Variants in NRXN1 observed in about 807,000 individuals in gnomAD.
The protein encoded by NRXN1 is neurexin 1.
In NRXN1, 39 loss-of-function variants were observed where a neutral mutation model predicts 150.9. That is an observed-to-expected ratio of 0.26 (90% confidence interval 0.20 to 0.34). NRXN1 has a LOEUF of 0.34. Ranked by LOEUF, NRXN1 falls within the 10% of genes least tolerant of loss-of-function variation. The pLI is 1.00. For synonymous variants in NRXN1, 924 were observed against 757.0 expected (o/e 1.22, Z -3.62); for missense variants, 1,815 against 1,949.9 (o/e 0.93, Z 1.30).
chr2:50,624,712 G>T (rs141730551), intron 5 of NRXN1: 1 of 152,100 alleles, frequency 6.6e-6, no homozygotes, highest in African/African-American at 2.4e-5. Context: ...AGATGGTAGG[G>T]CTGGCTGTTA....
chr2:49,948,247 G>A (rs1673306898), intron 21 of NRXN1, among the ~76,000 whole-genome samples: 1 of 151,994 alleles, frequency 6.6e-6, no homozygotes, highest in Non-Finnish European at 1.5e-5. Flanking sequence ...TGTTTTAAAA[G>A]CTGACCTATT....
intron 21 of NRXN1, among the ~76,000 whole-genome samples, chr2:50,021,110 T>G (rs913478474): frequency 6.6e-6 from 1 of 152,186 alleles, no homozygotes; most frequent in East Asian, 1.9e-4. Flanking sequence ...TCAATAAGCT[T>G]TTGCAAAGTG....
intron 8 of NRXN1, among the ~76,000 whole-genome samples, chr2:50,598,725 C>T (rs1017853510): frequency 2.8e-5 from 4 of 144,390 alleles, no homozygotes; most frequent in South Asian, 2.1e-4. Flanking sequence ...TGTATATATA[C>T]ACATATATAT....
At chr2:50,930,790 T>C (rs1007918578) in intron 2 of NRXN1, among the ~76,000 whole-genome samples, 61 of 152,252 alleles carry the variant, frequency 4.0e-4, no homozygotes, top group African/African-American at 1.3e-3. Flanking sequence ...TGCTTCCTGA[T>C]ACGGAATTGA....
chr2:50,795,647 T>A (rs1354884889), intron 5 of NRXN1, among the ~76,000 whole-genome samples: 1 of 152,040 alleles, frequency 6.6e-6, no homozygotes, highest in African/African-American at 2.4e-5. Context: ...AATCTCACTT[T>A]GGCTGTGAAA....
At chr2:50,932,103 T>G (rs1360893673) in intron 2 of NRXN1, among the ~76,000 whole-genome samples, 1 of 152,038 alleles carries the variant, frequency 6.6e-6, no homozygotes, top group East Asian at 1.9e-4. Context: ...TTACTTATAA[T>G]CAGGCTGAGC....
intron 1 of NRXN1, among the ~76,000 whole-genome samples, chr2:51,029,638 G>T (rs1039846109): frequency 6.6e-6 from 1 of 152,164 alleles, no homozygotes; most frequent in Non-Finnish European, 1.5e-5. Context: ...TAAACTGTTG[G>T]CAGGAAGCTG....
chr2:50,570,791 T>C (rs1017973078), intron 8 of NRXN1, among the ~76,000 whole-genome samples: 13 of 152,160 alleles, frequency 8.5e-5, no homozygotes, highest in African/African-American at 2.9e-4. Flanking sequence ...CTTGTTAAAA[T>C]AAAGACTCAA....
chr2:50,161,352 T>C (rs941803183), intron 18 of NRXN1, among the ~76,000 whole-genome samples: 7 of 152,154 alleles, frequency 4.6e-5, no homozygotes, highest in African/African-American at 1.7e-4. Context: ...AGAATTCAAA[T>C]CATTTGGCTC....
At chr2:50,521,608 T>G (rs117385885) in intron 12 of NRXN1, among the ~76,000 whole-genome samples, 1 of 152,206 alleles carries the variant, frequency 6.6e-6, no homozygotes, top group Non-Finnish European at 1.5e-5. Flanking sequence ...ACCGTCCCCA[T>G]GATTTAAAGA....
rs1472303093 is a variant in NRXN1 at position 49,925,057 on chromosome 2, C to T, written c.4217-2806G>A. On this transcript the variant is annotated intron_variant, in intron 22 of 22. Transcript: ENST00000401669. ...CTGTAATCCCAGCACTTTGGGAGGC[C>T]GAGGCGAGTGGATCACGAGGTCAAG... 2.6e-5 allele frequency among the ~76,000 whole-genome samples: 4 copies of T among 151,884 alleles called. No homozygotes were observed. In the East Asian group the frequency reaches 5.8e-4, roughly 22 times the overall value.
intron 12 of NRXN1, among the ~76,000 whole-genome samples, chr2:50,514,293 G>A (rs2092561227): frequency 6.6e-6 from 1 of 152,016 alleles, no homozygotes; most frequent in Non-Finnish European, 1.5e-5. Context: ...AATATATTTA[G>A]ACCTACAGCA....
At chr2:50,411,366 C>T (rs1484971667) in intron 17 of NRXN1, among the ~76,000 whole-genome samples, 3 of 152,042 alleles carry the variant, frequency 2.0e-5, no homozygotes, top group South Asian at 2.1e-4. Context: ...GGCGTGATCT[C>T]GGCTCGCTAC....
intron 19 of NRXN1, among the ~76,000 whole-genome samples, chr2:50,061,616 A>G (rs1009512239): frequency 6.6e-6 from 1 of 152,248 alleles, no homozygotes; most frequent in Non-Finnish European, 1.5e-5. Flanking sequence ...AAGGAATTTC[A>G]TCTCTTTCTA....
intron 8 of NRXN1, among the ~76,000 whole-genome samples, chr2:50,592,908 G>T (rs17040874): frequency 0.018 from 2,796 of 152,278 alleles, 60 homozygotes; most frequent in East Asian, 0.073. Flanking sequence ...TCATAAAGAT[G>T]GGGAAGTGGA....
intron 5 of NRXN1, among the ~76,000 whole-genome samples, chr2:50,819,825 G>A (rs1669464042): frequency 6.6e-6 from 1 of 151,922 alleles, no homozygotes. Flanking sequence ...CAACCACAGA[G>A]AAGTGGTTAT....
chr2:50,740,798 G>C (rs1025331463), intron 5 of NRXN1, among the ~76,000 whole-genome samples: 6 of 152,024 alleles, frequency 3.9e-5, no homozygotes, highest in African/African-American at 1.2e-4. Context: ...CAAAAAGATG[G>C]AATAAAATTT....
At chr2:50,413,175 A>G (rs941540674) in intron 17 of NRXN1, among the ~76,000 whole-genome samples, 4 of 152,210 alleles carry the variant, frequency 2.6e-5, no homozygotes, top group Non-Finnish European at 5.9e-5. Flanking sequence ...ACTATTTGCA[A>G]ACCCTCTATC....
intron 5 of NRXN1, among the ~76,000 whole-genome samples, chr2:50,659,943 T>C (rs1284241468): frequency 6.6e-6 from 1 of 152,050 alleles, no homozygotes; most frequent in Non-Finnish European, 1.5e-5. Context: ...TTCCGCTTTA[T>C]ATTAAAAAAC....
Sources: gnomAD v4.1 joint callset for allele counts (sites outside exome capture counted in the v4.1 genomes callset) on GRCh38, gnomAD v4.1.1 for gene constraint, MANE v1.5 for transcripts, NCBI Gene and HGNC (gene_info 2026-07-23, HGNC 2026-07-21) for gene names.